Variants in YES1 observed in about 807,000 individuals in gnomAD.
YES1 encodes the protein YES proto-oncogene 1, Src family tyrosine kinase.
YES1 carries 39 observed loss-of-function variants against 70.4 expected under a neutral mutation model. The observed-to-expected ratio is 0.55, with a 90% CI of 0.43 to 0.72. The LOEUF is 0.72. Among genes scored for constraint, YES1 ranks in the 30% least tolerant of loss-of-function variants. The pLI is 0.00. For missense variants in YES1, 495 were observed against 644.8 expected, an observed-to-expected ratio of 0.77 and a Z score of 2.52; for synonymous variants, 198 against 218.6, an observed-to-expected ratio of 0.91 and a Z score of 0.83.
chr18:761,976 C>T (rs187790223), intron 1 of YES1, among the ~76,000 whole-genome samples: 78 of 151,926 alleles, frequency 5.1e-4, no homozygotes, highest in African/African-American at 1.6e-3. Flanking sequence ...CACCTGAGGT[C>T]GGGAGTTTGA....
intron 1 of YES1, among the ~76,000 whole-genome samples, chr18:760,748 T>C (rs1020012750): frequency 2.0e-5 from 3 of 152,190 alleles, no homozygotes; most frequent in Non-Finnish European, 4.4e-5. Flanking sequence ...AGTAGTTTCA[T>C]AATCTAAAGT....
chr18:811,371 C>T (rs1054903108), intron 1 of YES1, among the ~76,000 whole-genome samples: 1 of 152,108 alleles, frequency 6.6e-6, no homozygotes, highest in African/African-American at 2.4e-5. Flanking sequence ...GTCCCTACAC[C>T]AGACTTGATT....
At chr18:755,233 C>T (rs1432504970) in intron 2 of YES1, among the ~76,000 whole-genome samples, 1 of 151,346 alleles carries the variant, frequency 6.6e-6, no homozygotes, top group East Asian at 1.9e-4. Context: ...CAGTGTATGG[C>T]AGTCCTCTGG....
chr18:739,655 A>T, intron 9 of YES1, 80 bp downstream of exon 9: 1 of 1,101,160 alleles, frequency 9.1e-7, no homozygotes, highest in South Asian at 1.7e-5. Flanking sequence ...CACTACACAT[A>T]CTATAATATT....
chr18:766,709 C>T (rs1006097638), intron 1 of YES1, among the ~76,000 whole-genome samples: 1 of 151,980 alleles, frequency 6.6e-6, no homozygotes, highest in Non-Finnish European at 1.5e-5. Flanking sequence ...ATTTGCTTCC[C>T]ATCTCTACTT....
chr18:771,824 T>C (rs1356633308), intron 1 of YES1, among the ~76,000 whole-genome samples: 7 of 152,062 alleles, frequency 4.6e-5, no homozygotes, highest in Non-Finnish European at 2.9e-5. Flanking sequence ...CTACCACACC[T>C]GGCCTGGAAG....
intron 1 of YES1, among the ~76,000 whole-genome samples, chr18:802,210 C>T (rs1381445339): frequency 6.6e-6 from 1 of 152,182 alleles, no homozygotes; most frequent in African/African-American, 2.4e-5. Context: ...GATCATGCCA[C>T]TGCACTCCAG....
intron 1 of YES1, among the ~76,000 whole-genome samples, chr18:761,890 A>G (rs7231360): frequency 0.024 from 3,641 of 152,322 alleles, 154 homozygotes; most frequent in African/African-American, 0.083. Context: ...GTTGTCTTAG[A>G]AACGTTAACA....
intron 1 of YES1, among the ~76,000 whole-genome samples, chr18:763,787 T>C (rs1430480569): frequency 6.8e-6 from 1 of 148,032 alleles, no homozygotes; most frequent in Non-Finnish European, 1.5e-5. Context: ...ATAAGTATAA[T>C]AATCAAGGTT....
chr18:743,465 G>T, intron 6 of YES1, 50 bp from the exon 7 acceptor site: 1 of 1,435,222 alleles, frequency 7.0e-7, no homozygotes, highest in South Asian at 1.4e-5. Context: ...AAAATTAAGG[G>T]GCATATAGTG....
At chr18:740,234 G>C (rs560449945) in intron 8 of YES1, among the ~76,000 whole-genome samples, 10 of 152,238 alleles carry the variant, frequency 6.6e-5, no homozygotes, top group African/African-American at 2.2e-4. Flanking sequence ...CTGTGACCAA[G>C]CTCTCTCTCT....
At chr18:744,689 CTTTTTTTT>C (rs71174284) in intron 6 of YES1, among the ~76,000 whole-genome samples, 4,194 of 56,858 alleles carry the variant, frequency 0.074, 328 homozygotes, top group African/African-American at 0.25. Flanking sequence ...CACGCCTGGC[CTTTTTTTT>C]TTTTTTTTTT....
In YES1 at chr18:739,606, C is replaced by A. The variant is rs962942593; in HGVS notation, c.1137+129G>T. 4.1e-6 allele frequency: 3 copies of A among 725,120 alleles called. No homozygotes were observed. The African/African-American group carries it at 5.5e-5, about 13-fold the overall frequency. The allele number at this position is 725,120 out of a possible 1,614,324, so 44.9% of individuals were successfully genotyped here. On this transcript the variant is annotated intron_variant, in intron 9 of 11. Transcript: ENST00000314574. ...CCTGGGTGACAGAATGAGACGCTGT[C>A]TCTAAAAAATAAAAAATAAAAATAA...
In YES1 at chr18:743,409, G is replaced by A; in HGVS notation, c.731C>T (p.Ala244Val). 19 of 1,611,730 alleles carry A rather than the reference G, an allele frequency of 1.2e-5. No individual in the cohort carries two copies. Among genetic ancestry groups the A allele is most frequent in the Non-Finnish European group, 1.6e-5 (19 of 1,179,146 alleles). ...QKLVKHYTEH[A>V]DGLCHKLTTV... ...TGTCAACTTGTGGCATAAACCATCAGCATGTTCTAGATAAATGAATAAACT... is the reference window on the plus strand; with the variant it reads ...TGTCAACTTGTGGCATAAACCATCAACATGTTCTAGATAAATGAATAAACT... Residue 244 changes from alanine to valine, a missense_variant, in exon 7 of 12, where the codon GCT becomes GTT. Ala to Val is a moderately conservative substitution (Grantham distance 64). This residue lies in a region of YES1 where 385 missense variants were observed against 540.9 expected (regional missense o/e 0.71). Transcript: ENST00000314574.
chr18:753,781 C>G (rs574714783), intron 2 of YES1, among the ~76,000 whole-genome samples: 1 of 152,136 alleles, frequency 6.6e-6, no homozygotes, highest in Non-Finnish European at 1.5e-5. Context: ...CCACCCTGCC[C>G]GGCTGACATC....
intron 4 of YES1, 101 bp from the exon 5 acceptor site, chr18:746,152 G>T (rs755695679): frequency 1.3e-6 from 1 of 775,882 alleles, no homozygotes; most frequent in Non-Finnish European, 2.1e-6. Flanking sequence ...GGACGACAAA[G>T]AATAGCTAGA....
intron 9 of YES1, chr18:738,276 A>T: frequency 6.6e-6 from 1 of 152,204 alleles, no homozygotes; most frequent in Admixed American, 6.5e-5. Context: ...CCTACCACAT[A>T]TCTGAAGAGA....
chr18:735,980 G>A (rs1049913008), intron 10 of YES1: 1 of 152,454 alleles, frequency 6.6e-6, no homozygotes, highest in Non-Finnish European at 1.5e-5. Context: ...AGACCAGCTT[G>A]GGCAACATGG....
chr18:788,026 G>A (rs765566848), intron 1 of YES1: 1 of 152,156 alleles, frequency 6.6e-6, no homozygotes. Context: ...AGAAAGGCAG[G>A]ATGCACGCTG....
Sources: allele counts gnomAD v4.1 joint callset (sites outside exome capture counted in the v4.1 genomes callset), GRCh38; gene constraint gnomAD v4.1.1; regional missense constraint gnomAD v4.1.1; transcripts MANE v1.5; gene names NCBI Gene and HGNC (gene_info 2026-07-23, HGNC 2026-07-21).